Variants in MARCHF1 observed in about 807,000 individuals in gnomAD.
MARCHF1 encodes membrane associated ring-CH-type finger 1.
In MARCHF1, 40 loss-of-function variants were observed where a neutral mutation model predicts 54.2. That is an observed-to-expected ratio of 0.74 (90% CI 0.57 to 0.96). The LOEUF (loss-of-function observed/expected upper bound fraction) is 0.96. MARCHF1 is among the 40% of genes least tolerant of loss of function. The pLI is 0.00. For synonymous variants in MARCHF1, 236 were observed against 236.3 expected (o/e 1.00, Z 0.01); for missense variants, 586 against 656.5 (o/e 0.89, Z 1.17).
At chr4:163,980,976 G>T (rs1752750965) in intron 3 of MARCHF1, among the ~76,000 whole-genome samples, 1 of 152,170 alleles carries the variant, frequency 6.6e-6, no homozygotes, top group Non-Finnish European at 1.5e-5. Flanking sequence ...AGCTCGCTTA[G>T]AAATCAACCT....
chr4:164,240,781 G>A (rs1183663372), intron 1 of MARCHF1, among the ~76,000 whole-genome samples: 8 of 152,050 alleles, frequency 5.3e-5, no homozygotes, highest in African/African-American at 1.7e-4. Flanking sequence ...AAGGATGATA[G>A]TAGCTATCAT....
chr4:163,920,594 T>C (rs940574747), intron 3 of MARCHF1, among the ~76,000 whole-genome samples: 2 of 152,128 alleles, frequency 1.3e-5, no homozygotes, highest in Non-Finnish European at 2.9e-5. Context: ...GGTGTTCCTC[T>C]TTGGTCCAGG....
rs1009450183 is a variant in MARCHF1 at position 164,146,642 on chromosome 4, C to A, written c.-322-34980G>T. On this transcript the variant is annotated intron_variant, in intron 1 of 9. Coordinates refer to ENST00000514618, the MANE Select transcript of MARCHF1 (RefSeq NM_001394959.1). The stretch of plus-strand genomic sequence containing the variant: ...CATATGTAGAAAGCTGAAACTGGAT[C>A]CCTTCCTTACACCTTATACAAAAAT... Among the ~76,000 whole-genome samples the A allele has an allele frequency of 4.3e-4, 66 of 152,004 alleles. 1 individual carries two copies. Among genetic ancestry groups the A allele is most frequent in the African/African-American group, 1.5e-3 (63 of 41,458 alleles).
intron 3 of MARCHF1, among the ~76,000 whole-genome samples, chr4:163,862,905 A>G (rs1749971714): frequency 6.6e-6 from 1 of 152,088 alleles, no homozygotes; most frequent in Non-Finnish European, 1.5e-5. Flanking sequence ...CTATCAAACC[A>G]TAAAAAGACA....
chr4:163,761,664 A>C (rs976449549), intron 4 of MARCHF1, among the ~76,000 whole-genome samples: 2 of 152,160 alleles, frequency 1.3e-5, no homozygotes, highest in Admixed American at 6.6e-5. Context: ...GCCCACCCTA[A>C]GTGGAACCCA....
intron 3 of MARCHF1, among the ~76,000 whole-genome samples, chr4:163,925,855 T>C (rs1486434308): frequency 1.3e-5 from 2 of 151,528 alleles, no homozygotes. Context: ...ATCCTGTTAA[T>C]AAAGAAAAAA....
chr4:163,998,888 T>G (rs1209058814), intron 2 of MARCHF1, among the ~76,000 whole-genome samples: 1 of 151,840 alleles, frequency 6.6e-6, no homozygotes, highest in African/African-American at 2.4e-5. Context: ...ATATCTTAAC[T>G]ATTGTGAATA....
At chr4:164,364,417 G>A (rs945451734) in intron 1 of MARCHF1, among the ~76,000 whole-genome samples, 1 of 152,020 alleles carries the variant, frequency 6.6e-6, no homozygotes, top group Non-Finnish European at 1.5e-5. Context: ...AATAAAGTAA[G>A]CATCTGAACC....
intron 9 of MARCHF1, among the ~76,000 whole-genome samples, chr4:163,536,088 A>G (rs1188580657): frequency 6.6e-6 from 1 of 152,156 alleles, no homozygotes; most frequent in African/African-American, 2.4e-5. Context: ...TTTATTGGGA[A>G]ATTTGCAGAA....
intron 4 of MARCHF1, among the ~76,000 whole-genome samples, chr4:163,821,825 A>G (rs948729350): frequency 1.3e-5 from 2 of 151,608 alleles, no homozygotes; most frequent in African/African-American, 4.8e-5. Context: ...GAGCTCAGAG[A>G]AAACAGACTA....
chr4:164,061,543 A>AG (rs368560382), intron 2 of MARCHF1, among the ~76,000 whole-genome samples: 46,012 of 78,954 alleles, frequency 0.58, 13,580 homozygotes, highest in Non-Finnish European at 0.67. Context: ...GGGTGGGGGG[A>AG]GGGGGGAGGG....
At chr4:164,154,572 G>T (rs1730027082) in intron 1 of MARCHF1, among the ~76,000 whole-genome samples, 1 of 152,172 alleles carries the variant, frequency 6.6e-6, no homozygotes, top group Admixed American at 6.5e-5. Context: ...GCCACCACAA[G>T]CTCAAACCCC....
chr4:163,810,207 T>G (rs958800644), intron 4 of MARCHF1, among the ~76,000 whole-genome samples: 1 of 152,190 alleles, frequency 6.6e-6, no homozygotes, highest in Non-Finnish European at 1.5e-5. Context: ...ATGAGGAAAG[T>G]TCAATGTATA....
chr4:163,663,342 A>ACC (rs144918545), intron 5 of MARCHF1, among the ~76,000 whole-genome samples: 1 of 150,636 alleles, frequency 6.6e-6, no homozygotes, highest in Non-Finnish European at 1.5e-5. Context: ...ACAACTGACC[A>ACC]CCCCCCAGGG....
At chr4:164,166,980 T>A (rs1730398098) in intron 1 of MARCHF1, among the ~76,000 whole-genome samples, 1 of 151,484 alleles carries the variant, frequency 6.6e-6, no homozygotes, top group South Asian at 2.1e-4. Context: ...ATTTTATAAA[T>A]CTTTAAATTT....
At chr4:163,870,104 T>C (rs1259120940) in intron 3 of MARCHF1, among the ~76,000 whole-genome samples, 1 of 152,156 alleles carries the variant, frequency 6.6e-6, no homozygotes, top group Admixed American at 6.5e-5. Context: ...ACACTTCACA[T>C]AGTTTAATGG....
rs59453843 is a variant in MARCHF1 at position 164,027,362 on chromosome 4, TAAAAAAAAAAAAAAAAAA to T, written c.-247-38671_-247-38654del. ...TAGTACCAAAACAGCATGGTACAGGTAAAAAAAAAAAAAAAAAAAAAAAAAAAAAAAGATACATAGATA... is the reference window on the plus strand; with the variant it reads ...TAGTACCAAAACAGCATGGTACAGGTAAAAAAAAAAAAAGATACATAGATA... On this transcript the variant is annotated intron_variant, in intron 2 of 9. Coordinates refer to ENST00000514618, the MANE Select transcript of MARCHF1 (RefSeq NM_001394959.1). Among the ~76,000 whole-genome samples the T allele has an allele frequency of 5.6e-4, 6 of 10,778 alleles. 1 individual carries two copies. The highest frequency in any genetic ancestry group is 1.5e-3 in the Non-Finnish European group (5 of 3,284). The allele number at this position is 10,778 out of a possible 152,430, so 7.1% of individuals were successfully genotyped here.
At chr4:164,363,542 C>G (rs1730787103) in intron 1 of MARCHF1, among the ~76,000 whole-genome samples, 1 of 152,098 alleles carries the variant, frequency 6.6e-6, no homozygotes, top group Admixed American at 6.6e-5. Context: ...AAGGCATCCA[C>G]AGGACCCTAC....
At chr4:164,227,904 A>G (rs1420333822) in intron 1 of MARCHF1, among the ~76,000 whole-genome samples, 1 of 152,184 alleles carries the variant, frequency 6.6e-6, no homozygotes, top group East Asian at 1.9e-4. Flanking sequence ...CTGGTGATTA[A>G]TAACATAGAA....
Sources: gnomAD v4.1 joint callset for allele counts (sites outside exome capture counted in the v4.1 genomes callset) on GRCh38, gnomAD v4.1.1 for gene constraint, MANE v1.5 for transcripts, NCBI Gene and HGNC (gene_info 2026-07-23, HGNC 2026-07-21) for gene names.